TOP6BL: variants seen among roughly 807,000 people sequenced by gnomAD.
The protein encoded by TOP6BL is TOP6B like initiator of meiotic double strand breaks, also known as type 2 DNA topoisomerase 6 subunit B-like.
chr11:66,773,727 T>C, the TOP6BL span, among the ~76,000 whole-genome samples: 1 of 152,094 alleles, frequency 6.6e-6, no homozygotes, highest in Non-Finnish European at 1.5e-5. Context: ...ATAATGACAT[T>C]TTATGTAATT....
At chr11:66,804,664 G>A in the TOP6BL span, among the ~76,000 whole-genome samples, 2 of 152,194 alleles carry the variant, frequency 1.3e-5, no homozygotes, top group Non-Finnish European at 2.9e-5. Flanking sequence ...ACGGCTGGGT[G>A]CAGTGGCTTA....
chr11:66,783,360 T>TCAGA, the TOP6BL span, among the ~76,000 whole-genome samples: 14 of 152,194 alleles, frequency 9.2e-5, no homozygotes, highest in South Asian at 1.0e-3. Context: ...TGATCCTGTC[T>TCAGA]CAGACAGACA....
chr11:66,764,032 G>A, the TOP6BL span, among the ~76,000 whole-genome samples: 2 of 152,156 alleles, frequency 1.3e-5, no homozygotes, highest in African/African-American at 4.8e-5. Context: ...CCACTTAAAG[G>A]TAGTTATAGT....
chr11:66,757,113 C>T, the TOP6BL span, among the ~76,000 whole-genome samples: 46 of 150,736 alleles, frequency 3.1e-4, no homozygotes, highest in African/African-American at 1.1e-3. Context: ...GAGGCTGAGG[C>T]GGGTGGATTG....
the TOP6BL span, among the ~76,000 whole-genome samples, chr11:66,834,827 G>A: frequency 6.6e-6 from 1 of 152,136 alleles, no homozygotes; most frequent in African/African-American, 2.4e-5. Flanking sequence ...AACTACAGGC[G>A]TGCATCACTG....
the TOP6BL span, among the ~76,000 whole-genome samples, chr11:66,801,834 A>T: frequency 1.2e-4 from 18 of 152,278 alleles, no homozygotes; most frequent in Admixed American, 2.6e-4. Context: ...TGTCTCAAAA[A>T]AAATAAATAA....
chr11:66,754,734 G>A, the TOP6BL span, among the ~76,000 whole-genome samples: 1 of 152,140 alleles, frequency 6.6e-6, no homozygotes, highest in Admixed American at 6.5e-5. Flanking sequence ...AGGGGGTATT[G>A]GGTATCTCAG....
At chr11:66,830,950 GACAAA>G in the TOP6BL span, among the ~76,000 whole-genome samples, 4 of 151,734 alleles carry the variant, frequency 2.6e-5, no homozygotes, top group Non-Finnish European at 5.9e-5. Flanking sequence ...TTTTTAAATG[GACAAA>G]ATATTTGAAC....
chr11:66,766,250 C>T, the TOP6BL span, among the ~76,000 whole-genome samples: 1 of 152,154 alleles, frequency 6.6e-6, no homozygotes. Context: ...TTCCTTTACT[C>T]TTCAATCTGT....
chr11:66,790,497 TGACACTTGAAAG>T, the TOP6BL span, among the ~76,000 whole-genome samples: 1 of 152,336 alleles, frequency 6.6e-6, no homozygotes, highest in African/African-American at 2.4e-5. Context: ...TAGGAGATTC[TGACACTTGAAAG>T]AATAGGAAGT....
the TOP6BL span, among the ~76,000 whole-genome samples, chr11:66,820,038 C>T: frequency 3.3e-5 from 5 of 152,050 alleles, no homozygotes; most frequent in Non-Finnish European, 7.3e-5. Flanking sequence ...AAGATCGTGT[C>T]ACTGCACTCC....
chr11:66,822,756 C>A, the TOP6BL span: 1 of 978,276 alleles, frequency 1.0e-6, no homozygotes, highest in Non-Finnish European at 1.6e-6. Context: ...ATAATCGCAG[C>A]ACTTTGGGAG....
At chr11:66,746,084 CG>C in the TOP6BL span, among the ~76,000 whole-genome samples, 1 of 151,944 alleles carries the variant, frequency 6.6e-6, no homozygotes, top group Non-Finnish European at 1.5e-5. Flanking sequence ...GTGCTGGGAC[CG>C]GCGTGAGCCA....
chr11:66,792,585 A>G, the TOP6BL span, among the ~76,000 whole-genome samples: 1 of 152,236 alleles, frequency 6.6e-6, no homozygotes, highest in Non-Finnish European at 1.5e-5. Flanking sequence ...AGTCAGCTCT[A>G]GGTTTGAATC....
At chr11:66,800,930 G>C in the TOP6BL span, 6 of 1,260,260 alleles carry the variant, frequency 4.8e-6, no homozygotes, top group Non-Finnish European at 6.8e-6. Flanking sequence ...CTGAATTCTA[G>C]TAATCGCTGG....
chr11:66,752,597 G>A, the TOP6BL span, among the ~76,000 whole-genome samples: 6 of 151,802 alleles, frequency 4.0e-5, no homozygotes, highest in African/African-American at 1.2e-4. Flanking sequence ...GATTACAGGC[G>A]TTACACCACC....
the TOP6BL span, among the ~76,000 whole-genome samples, chr11:66,769,495 G>GA: frequency 4.1e-5 from 6 of 146,846 alleles, no homozygotes; most frequent in African/African-American, 1.0e-4. Context: ...CCAAAACTCA[G>GA]AAAAAAAAGG....
At chr11:66,795,617 A>G in the TOP6BL span, among the ~76,000 whole-genome samples, 1 of 151,876 alleles carries the variant, frequency 6.6e-6, no homozygotes, top group South Asian at 2.1e-4. Context: ...TTTCAAATAT[A>G]TGGATCCTTA....
the TOP6BL span, among the ~76,000 whole-genome samples, chr11:66,806,931 A>G: frequency 7.2e-5 from 11 of 152,172 alleles, no homozygotes; most frequent in African/African-American, 2.7e-4. Flanking sequence ...TTTTCTTTAT[A>G]TCTAGATAGT....
Sources: gnomAD v4.1 joint callset for allele counts (sites outside exome capture counted in the v4.1 genomes callset) on GRCh38, gnomAD v4.1.1 for gene constraint, MANE v1.5 for transcripts, NCBI Gene and HGNC (gene_info 2026-07-23, HGNC 2026-07-21) for gene names.